MYO18A: variants seen among roughly 807,000 people sequenced by gnomAD.
The protein encoded by MYO18A is myosin XVIIIA, also known as unconventional myosin-XVIIIa.
Under a neutral mutation model 235.8 loss-of-function variants are expected in MYO18A, and 78 were observed. The observed-to-expected ratio is 0.33, with a 90% CI of 0.28 to 0.40. MYO18A has a LOEUF of 0.40. Ranked by LOEUF, MYO18A falls within the 10% of genes least tolerant of loss-of-function variation. MYO18A has a pLI of 1.00. For missense variants in MYO18A, 2,215 were observed against 2,699.3 expected (o/e 0.82, Z 3.98); for synonymous variants, 977 against 1,077.8 (o/e 0.91, Z 1.83).
rs1246985810 is a variant in MYO18A at position 29,073,945 on chromosome 17, C to T, written c.*825G>A. On this transcript the variant is annotated 3_prime_UTR_variant, in exon 42 of 42. Coordinates refer to ENST00000527372, the MANE Select transcript of MYO18A (RefSeq NM_078471.4). ...CAGTGCTTGGATCAGCCCTGAACTG[C>T]TGTAGTTGGAATGGGTTTACCTTAA... is the stretch of plus-strand genomic sequence containing the variant. The T allele has an allele frequency of 4.3e-6, 7 of 1,614,020 alleles. No homozygotes were observed. The highest frequency in any genetic ancestry group is 5.9e-6 in the Non-Finnish European group (7 of 1,180,010).
chr17:29,092,395 T>A lies in MYO18A; in HGVS notation c.5135A>T (p.Glu1712Val). 1 of 1,612,642 alleles carries A rather than the reference T, an allele frequency of 6.2e-7. No homozygotes were observed. Among genetic ancestry groups the A allele is most frequent in the Non-Finnish European group, 8.5e-7 (1 of 1,179,860 alleles). ...AVKARKAMEV[E>V]IEDLHLQIDD... is the part of the protein sequence containing the mutation. ...AATCTGCAGGTGCAGGTCTTCGATC[T>A]CCACCTCCATTGCTTTCCGTGCTTT... The change falls in exon 34 of 42, where the codon GAG becomes GTG. Residue 1712 changes from glutamate to valine, a missense_variant. Coordinates refer to ENST00000527372, the MANE Select transcript of MYO18A (RefSeq NM_078471.4).
chr17:29,136,235 G>GAAAAAA (rs1181249964), intron 2 of MYO18A, among the ~76,000 whole-genome samples: 46 of 105,292 alleles, frequency 4.4e-4, no homozygotes, highest in African/African-American at 1.0e-3. Context: ...CATCTCAAAA[G>GAAAAAA]AAAAAAAAAA....
intron 2 of MYO18A, among the ~76,000 whole-genome samples, chr17:29,162,962 T>C (rs1036587393): frequency 9.2e-5 from 14 of 152,206 alleles, no homozygotes; most frequent in African/African-American, 3.4e-4. Flanking sequence ...TGGGGCCTTC[T>C]AAACAGGCCA....
intron 36 of MYO18A, 23 bp downstream of exon 36, chr17:29,090,509 C>A (rs1353041065): frequency 6.4e-7 from 1 of 1,568,224 alleles, no homozygotes; most frequent in South Asian, 1.2e-5. Context: ...TCTCTCTCTC[C>A]TGAGGGAGCC....
intron 26 of MYO18A, 86 bp from the exon 27 acceptor site, chr17:29,097,436 G>A: frequency 6.5e-7 from 1 of 1,542,384 alleles, no homozygotes; most frequent in Non-Finnish European, 8.8e-7. Flanking sequence ...GGCAGGGGGA[G>A]CAGCAGGTGG....
At chr17:29,172,462 C>T (rs1234160317) in intron 1 of MYO18A, among the ~76,000 whole-genome samples, 39 of 144,336 alleles carry the variant, frequency 2.7e-4, no homozygotes, top group African/African-American at 2.6e-5. Context: ...AAGACTCTGT[C>T]TAAAAAAAAA....
At chr17:29,178,309 A>G (rs2068577247) in intron 1 of MYO18A, among the ~76,000 whole-genome samples, 1 of 151,980 alleles carries the variant, frequency 6.6e-6, no homozygotes, top group African/African-American at 2.4e-5. Flanking sequence ...CAAACTAGAC[A>G]CTCAGAGCTA....
chr17:29,170,324 G>A lies in MYO18A; in HGVS notation c.-81-3303C>T, dbSNP rs570104445. ...CTTCCCCACTGCCATCCCCATAATC[G>A]CCAGGCCTGGCTGTGGACTGGTTCT... On this transcript the variant is annotated intron_variant, in intron 1 of 41. Coordinates refer to ENST00000527372, the MANE Select transcript of MYO18A (RefSeq NM_078471.4). Among the ~76,000 whole-genome samples the A allele has an allele frequency of 5.3e-5, 8 of 152,046 alleles. No individual in the cohort carries two copies. In the South Asian group the frequency reaches 1.0e-3, roughly 20 times the overall value.
intron 2 of MYO18A, among the ~76,000 whole-genome samples, chr17:29,149,776 A>G (rs895451232): frequency 6.6e-6 from 1 of 152,288 alleles, no homozygotes; most frequent in South Asian, 2.1e-4. Context: ...AGCTCCCCCA[A>G]GGCCCAAAGC....
intron 39 of MYO18A, 136 bp downstream of exon 39, chr17:29,086,302 C>T (rs1223926268): frequency 2.0e-6 from 2 of 977,632 alleles, no homozygotes; most frequent in East Asian, 2.6e-5. Context: ...TGGGATCTGG[C>T]AGTAAAGGGA....
chr17:29,102,021 A>C (rs2066665223), intron 21 of MYO18A, among the ~76,000 whole-genome samples: 1 of 152,188 alleles, frequency 6.6e-6, no homozygotes, highest in African/African-American at 2.4e-5. Context: ...TGTGACACAC[A>C]GGGAATCCTC....
At chr17:29,090,460 G>T in intron 36 of MYO18A, 72 bp downstream of exon 36, 1 of 1,379,918 alleles carries the variant, frequency 7.2e-7, no homozygotes. Context: ...TCTAAACTGT[G>T]AACTTGGGGG....
intron 18 of MYO18A, 46 bp from the exon 19 acceptor site, chr17:29,110,147 G>A: frequency 6.3e-7 from 1 of 1,588,144 alleles, no homozygotes; most frequent in Non-Finnish European, 8.5e-7. Context: ...GATGGCCTGT[G>A]CTCAGAAGAG....
Position 29,140,511 on chromosome 17 carries a change from GGACTTC to G in MYO18A, c.1000-18264_1000-18259del. On this transcript the variant is annotated intron_variant, in intron 2 of 41. Coordinates refer to ENST00000527372, the MANE Select transcript of MYO18A (RefSeq NM_078471.4). The surrounding 1 kb of genome is among the most constrained non-coding windows in gnomAD (Gnocchi z 4.2). ...CCCTAGTTGGAGCCAGCAGCCCGGA[GGACTTC>G]GGGTATCAGGTATGCCAGGAGGGAG... is the stretch of plus-strand genomic sequence containing the variant. 1 of 916,056 alleles carries G rather than the reference GGACTTC, an allele frequency of 1.1e-6. No homozygotes were observed. Among genetic ancestry groups the G allele is most frequent in the Non-Finnish European group, 1.4e-6 (1 of 703,832 alleles). The allele number at this position is 916,056 out of a possible 1,614,324, so 56.7% of individuals were successfully genotyped here.
intron 37 of MYO18A, among the ~76,000 whole-genome samples, chr17:29,089,619 C>T (rs572818359): frequency 6.6e-6 from 1 of 152,080 alleles, no homozygotes; most frequent in Admixed American, 6.6e-5. Context: ...GAAGTGGCAC[C>T]ATCCGCTGCA....
At chr17:29,090,956 C>A (rs781680834) in intron 34 of MYO18A, 30 bp from the exon 35 acceptor site, 1 of 1,587,360 alleles carries the variant, frequency 6.3e-7, no homozygotes, top group East Asian at 2.2e-5. Flanking sequence ...GATCAGAGGG[C>A]CTCAGGCCCA....
chr17:29,143,282 G>A (rs1215015296), intron 2 of MYO18A, among the ~76,000 whole-genome samples: 1 of 152,218 alleles, frequency 6.6e-6, no homozygotes, highest in Non-Finnish European at 1.5e-5. Context: ...GCCCAGGCTG[G>A]AGTGCAGTGG....
chr17:29,106,620 C>T lies in MYO18A; in HGVS notation c.3441+460G>A, dbSNP rs1216404315. Among the ~76,000 whole-genome samples, 1 of 152,176 alleles carries T rather than the reference C, an allele frequency of 6.6e-6. No individual in the cohort carries two copies. The highest frequency in any genetic ancestry group is 1.5e-5 in the Non-Finnish European group (1 of 68,016). On this transcript the variant is annotated intron_variant, in intron 20 of 41. Transcript: ENST00000527372. This position sits in a 1 kb window ranked among gnomAD's most constrained non-coding sequence, Gnocchi z 4.6. ...ACCCCTTCCGCAGCCACAAGTTCAC[C>T]AACCAGGGCCGGCAAATGGCCCGGC...
At chr17:29,099,859 G>A (rs2066612888) in intron 21 of MYO18A, 97 bp from the exon 22 acceptor site, 1 of 1,508,972 alleles carries the variant, frequency 6.6e-7, no homozygotes, top group South Asian at 1.3e-5. Flanking sequence ...GCAGGCCAGG[G>A]AGTACAGCCC....
Sources: allele counts gnomAD v4.1 joint callset (sites outside exome capture counted in the v4.1 genomes callset), GRCh38; gene constraint gnomAD v4.1.1; non-coding constraint Gnocchi (gnomAD v3.1); transcripts MANE v1.5; gene names NCBI Gene and HGNC (gene_info 2026-07-23, HGNC 2026-07-21).